ANGPTL7: variants seen among roughly 807,000 people sequenced by gnomAD.
The protein encoded by ANGPTL7 is angiopoietin-related protein 7.
ANGPTL7 carries 37 observed loss-of-function variants against 38.8 expected under a neutral mutation model. The observed-to-expected ratio is 0.95, with a 90% CI of 0.73 to 1.25. The LOEUF is 1.25. Among genes scored for constraint, ANGPTL7 ranks in the 50% most tolerant of loss-of-function variants. ANGPTL7 has a pLI of 0.00. For missense variants in ANGPTL7, 427 were observed against 438.6 expected (o/e 0.97, Z 0.24); for synonymous variants, 166 against 163.2 (o/e 1.02, Z -0.13).
In ANGPTL7 at chr1:11,189,962, A is replaced by G; in HGVS notation, c.376+7A>G. 1.0e-5 allele frequency: 16 copies of G among 1,600,328 alleles called. No homozygotes were observed. The highest frequency in any genetic ancestry group is 1.4e-5 in the Non-Finnish European group (16 of 1,173,230). ...GTCACTCAGACCTCCGCAGGTAAGGAGACCAGTCCCCTGAGGGAGCGTGGA... is the reference window on the plus strand; with the variant it reads ...GTCACTCAGACCTCCGCAGGTAAGGGGACCAGTCCCCTGAGGGAGCGTGGA... On this transcript the variant is annotated splice_region_variant and intron_variant, in intron 1 of 4. Transcript: ENST00000376819.
chr1:11,194,147 T>A (rs1645679138), intron 3 of ANGPTL7, among the ~76,000 whole-genome samples: 1 of 152,188 alleles, frequency 6.6e-6, no homozygotes, highest in South Asian at 2.1e-4. Flanking sequence ...ACTCACTATA[T>A]CCTCATGTTT....
rs201406810 is a variant in ANGPTL7 at position 11,194,568 on chromosome 1, C to T, written c.780C>T (p.Asn260=). Residue 260 remains asparagine (N), a synonymous_variant, in exon 4 of 5, where the codon AAC becomes AAT. Transcript: ENST00000376819. ...FLGNYTGNVG[N]DALQYHNNTA... is the part of the protein sequence containing the mutation. ...GGAACTACACTGGCAATGTGGGGAACGACGCCCTCCAGTATCATAACAACA... is the reference window on the plus strand; with the variant it reads ...GGAACTACACTGGCAATGTGGGGAATGACGCCCTCCAGTATCATAACAACA... 3.3e-5 allele frequency: 54 copies of T among 1,614,150 alleles called. No individual in the cohort carries two copies. Among genetic ancestry groups the T allele is most frequent in the Non-Finnish European group, 3.9e-5 (46 of 1,180,030 alleles).
At chr1:11,190,589 C>T (rs888383119) in intron 1 of ANGPTL7, among the ~76,000 whole-genome samples, 1 of 152,126 alleles carries the variant, frequency 6.6e-6, no homozygotes, top group African/African-American at 2.4e-5. Flanking sequence ...TCTCCGAATA[C>T]AGGATTTTTT....
At chr1:11,190,287 T>G (rs1397889748) in intron 1 of ANGPTL7, among the ~76,000 whole-genome samples, 2 of 152,184 alleles carry the variant, frequency 1.3e-5, no homozygotes, top group Non-Finnish European at 2.9e-5. Flanking sequence ...CACCAAGAGC[T>G]GACAGGCTAT....
rs201337209 is a variant in ANGPTL7, at chr1:11,193,606, C to T, written c.504C>T (p.Gly168=). 2.2e-5 allele frequency: 35 copies of T among 1,603,800 alleles called. No homozygotes were observed. The African/African-American group carries it at 4.1e-4, about 19-fold the overall frequency. Residue 168 remains glycine, a synonymous_variant, in exon 3 of 5, where the codon GGC becomes GGT. Coordinates refer to ENST00000376819, the MANE Select transcript of ANGPTL7 (RefSeq NM_021146.4). Reference sequence around the variant, plus strand: ...TGTTCTGTGACATGGAGACTTCAGGCGGAGGCTGGACCATCATCCAGAGAC... The same window carrying T: ...TGTTCTGTGACATGGAGACTTCAGGTGGAGGCTGGACCATCATCCAGAGAC... ...LEVFCDMETS[G]GGWTIIQRRK...
In ANGPTL7 at chr1:11,195,207, C is replaced by A; in HGVS notation, c.*184C>A. The A allele has an allele frequency of 1.5e-6, 1 of 682,950 alleles. No homozygotes were observed. Among genetic ancestry groups the A allele is most frequent in the Non-Finnish European group, 2.4e-6 (1 of 416,408 alleles). The allele number at this position is 682,950 out of a possible 1,614,324, so 42.3% of individuals were successfully genotyped here. A position where few individuals can be genotyped will look rare whatever the true frequency, so the allele number is the denominator to read the frequency against. On this transcript the variant is annotated 3_prime_UTR_variant, in exon 5 of 5. Transcript: ENST00000376819. ...TATGTACCAAGGATGTTACAGTAAA[C>A]AGGATGAACTATTTAAACCCACTGG...
At position 11,194,672 on chromosome 1, in the gene ANGPTL7, G is replaced by A; in HGVS notation, c.871+13G>A. 6.2e-7 allele frequency: 1 copy of A among 1,614,120 alleles called. No individual in the cohort carries two copies. Among genetic ancestry groups the A allele is most frequent in the Non-Finnish European group, 8.5e-7 (1 of 1,180,016 alleles). On this transcript the variant is annotated intron_variant, in intron 4 of 4. Transcript: ENST00000376819. The stretch of plus-strand genomic sequence containing the variant: ...CAGCTCCGCAAAGGTGAGATTTGGG[G>A]GGACCGGAAAGGAGAAGTTCAGGTA...
rs1645725329 is a variant in ANGPTL7, at chr1:11,194,951, T to TA, written c.969_970insA (p.Gly324ArgfsTer43). 6.2e-7 allele frequency: 1 copy of TA among 1,613,974 alleles called. No homozygotes were observed. Among genetic ancestry groups the TA allele is most frequent in the East Asian group, 2.2e-5 (1 of 44,850 alleles). ...AGCACCTGGATGGCATCACCTGGTA[T>TA]GGCTGGCATGGATCTACCTACTCCC... is the stretch of plus-strand genomic sequence containing the variant. On this transcript the variant is annotated frameshift_variant, in exon 5 of 5. Transcript: ENST00000376819. LOFTEE classifies it high-confidence loss of function.
Position 11,189,898 on chromosome 1 carries a change from A to T in ANGPTL7, c.319A>T (p.Asn107Tyr). The T allele has an allele frequency of 1.2e-6, 2 of 1,614,012 alleles. No homozygotes were observed. The highest frequency in any genetic ancestry group is 1.7e-6 in the Non-Finnish European group (2 of 1,180,002). ...TGAGAGCAAGTACTCCGAGATGAAC[A>T]ACCAAATTGACATCATGCAGCTGCA... The part of the protein sequence containing the change: ...DAESKYSEMN[N>Y]QIDIMQLQAA... Residue 107 changes from asparagine (N) to tyrosine (Y), a missense_variant, in exon 1 of 5, where the codon AAC (asparagine) becomes TAC (tyrosine). Coordinates refer to ENST00000376819, the MANE Select transcript of ANGPTL7 (RefSeq NM_021146.4).
In ANGPTL7 at chr1:11,189,672, G is replaced by A. The variant is rs755459406; in HGVS notation, c.93G>A (p.Lys31=). Residue 31 remains lysine, a synonymous_variant, in exon 1 of 5, where the codon AAG becomes AAA. Coordinates refer to ENST00000376819, the MANE Select transcript of ANGPTL7 (RefSeq NM_021146.4). ...CAGCGTGGCTGCAGAAGCTCTCTAA[G>A]CACAAGACACCAGCACAGCCACAGC... is the stretch of plus-strand genomic sequence containing the variant. ...SHPAWLQKLS[K]HKTPAQPQLK... The A allele has an allele frequency of 6.2e-7, 1 of 1,614,184 alleles. No homozygotes were observed. Among genetic ancestry groups the A allele is most frequent in the South Asian group, 1.1e-5 (1 of 91,082 alleles).
chr1:11,189,947 C>G lies in ANGPTL7; in HGVS notation c.368C>G (p.Thr123Ser). The G allele has an allele frequency of 6.2e-7, 1 of 1,608,396 alleles. No individual in the cohort carries two copies. The change falls in exon 1 of 5, where the codon ACC (threonine) becomes AGC (serine). Residue 123 changes from threonine to serine, a missense_variant. Thr to Ser is a moderately conservative substitution (Grantham distance 58). Transcript: ENST00000376819. Reference sequence around the variant, plus strand: ...CAGGCAGCACAGACGGTCACTCAGACCTCCGCAGGTAAGGAGACCAGTCCC... The same window carrying G: ...CAGGCAGCACAGACGGTCACTCAGAGCTCCGCAGGTAAGGAGACCAGTCCC... Reference protein sequence around the residue: ...QLQAAQTVTQTSADAIYDCSS... With the variant: ...QLQAAQTVTQSSADAIYDCSS...
Position 11,193,841 on chromosome 1 carries a change from G to A in ANGPTL7, c.672+67G>A, listed in dbSNP as rs551203563. 8 of 1,488,456 alleles carry A rather than the reference G, an allele frequency of 5.4e-6. No individual in the cohort carries two copies. In the Admixed American group the frequency reaches 1.1e-4, roughly 21 times the overall value. 92.2% of individuals were successfully genotyped at this position (1,488,456 alleles called of 1,614,324 possible). A position where few individuals can be genotyped will look rare whatever the true frequency, so the allele number is the denominator to read the frequency against. On this transcript the variant is annotated intron_variant, in intron 3 of 4. Transcript: ENST00000376819. The stretch of plus-strand genomic sequence containing the variant: ...CCACACATGACCGCGTACAACTCCG[G>A]GGGTGCCATTCCTATTCTGATTCAA...
intron 1 of ANGPTL7, among the ~76,000 whole-genome samples, chr1:11,191,251 G>A (rs188330919): frequency 9.3e-4 from 141 of 152,310 alleles, no homozygotes; most frequent in African/African-American, 3.2e-3. Flanking sequence ...CTATGACCAA[G>A]TGCTCAGTTA....
In ANGPTL7 at chr1:11,193,625, C is replaced by A. The variant is rs747337772; in HGVS notation, c.523C>A (p.Gln175Lys). The change falls in exon 3 of 5, where the codon CAG (glutamine) becomes AAG (lysine). Residue 175 changes from glutamine to lysine, a missense_variant. Transcript: ENST00000376819. The stretch of plus-strand genomic sequence containing the variant: ...TTCAGGCGGAGGCTGGACCATCATC[C>A]AGAGACGAAAAAGTGGCCTTGTCTC... The part of the protein sequence containing the change: ...ETSGGGWTII[Q>K]RRKSGLVSFY... 1 of 1,611,842 alleles carries A rather than the reference C, an allele frequency of 6.2e-7. No homozygotes were observed. The highest frequency in any genetic ancestry group is 1.3e-5 in the African/African-American group (1 of 74,870).
intron 3 of ANGPTL7, 94 bp from the exon 4 acceptor site, chr1:11,194,367 G>A (rs1389045284): frequency 8.6e-6 from 10 of 1,163,098 alleles, no homozygotes; most frequent in African/African-American, 1.5e-5. Flanking sequence ...ATAAAAAGAT[G>A]TTTGGCTATG....
chr1:11,193,952 C>T (rs1645669080), intron 3 of ANGPTL7, among the ~76,000 whole-genome samples, 178 bp downstream of exon 3: 1 of 152,088 alleles, frequency 6.6e-6, no homozygotes, highest in South Asian at 2.1e-4. Context: ...TTCTGCAACC[C>T]CCCCAACCCC....
intron 2 of ANGPTL7, among the ~76,000 whole-genome samples, chr1:11,192,939 T>C (rs1483894525): frequency 6.6e-6 from 1 of 152,052 alleles, no homozygotes; most frequent in Non-Finnish European, 1.5e-5. Context: ...CCACATAACT[T>C]AGTTTAAATC....
In ANGPTL7 at chr1:11,194,951, T is replaced by A; in HGVS notation, c.969T>A (p.Tyr323Ter). 6.2e-7 allele frequency: 1 copy of A among 1,613,974 alleles called. No homozygotes were observed. Among genetic ancestry groups the A allele is most frequent in the South Asian group, 1.1e-5 (1 of 91,080 alleles). ...HNKHLDGITW[Y>*]GWHGSTYSLK... Reference sequence around the variant, plus strand: ...AGCACCTGGATGGCATCACCTGGTATGGCTGGCATGGATCTACCTACTCCC... The same window carrying A: ...AGCACCTGGATGGCATCACCTGGTAAGGCTGGCATGGATCTACCTACTCCC... Residue 323 changes from tyrosine to a stop codon, truncating the protein, a stop_gained, in exon 5 of 5, where the codon TAT (tyrosine) becomes TAA (stop). Transcript: ENST00000376819. LOFTEE classifies it high-confidence loss of function.
rs1645722851 is a variant in ANGPTL7, at chr1:11,194,916, G to A, written c.934G>A (p.Glu312Lys). Residue 312 changes from glutamate (E) to lysine (K), a missense_variant, in exon 5 of 5, where the codon GAG (glutamate) becomes AAG (lysine). Physicochemically the swap from Glu to Lys is moderately conservative, Grantham distance 56. Transcript: ENST00000376819. ...NLNGVYYRLG[E>K]HNKHLDGITW... ...CAATGGAGTGTACTACCGCCTGGGT[G>A]AGCACAATAAGCACCTGGATGGCAT... 3 of 1,614,032 alleles carry A rather than the reference G, an allele frequency of 1.9e-6. No homozygotes were observed. Among genetic ancestry groups the A allele is most frequent in the Admixed American group, 1.7e-5 (1 of 60,000 alleles).
Sources: gnomAD v4.1 joint callset for allele counts (sites outside exome capture counted in the v4.1 genomes callset) on GRCh38, gnomAD v4.1.1 for gene constraint, MANE v1.5 for transcripts, NCBI Gene and HGNC (gene_info 2026-07-23, HGNC 2026-07-21) for gene names.